CCDC102B: variants seen among roughly 807,000 people sequenced by gnomAD.
CCDC102B encodes the protein coiled-coil domain-containing protein 102B.
CCDC102B carries 75 observed loss-of-function variants against 57.4 expected under a neutral mutation model. The ratio of observed to expected loss-of-function variants is 1.31; its 90% CI spans 1.08 to 1.58. CCDC102B has a LOEUF of 1.58. CCDC102B is among the 40% of genes most tolerant of loss of function. The pLI, the probability that CCDC102B is intolerant of heterozygous loss-of-function variation, is 0.00. For synonymous variants in CCDC102B, 206 were observed against 201.9 expected (o/e 1.02, Z -0.17); for missense variants, 636 against 582.6 (o/e 1.09, Z -0.94).
chr18:68,991,185 A>G (rs1270701405), intron 6 of CCDC102B, among the ~76,000 whole-genome samples: 1 of 149,046 alleles, frequency 6.7e-6, no homozygotes, highest in East Asian at 2.0e-4. Flanking sequence ...GGTCTGTAAA[A>G]CTCAATATAC....
At position 68,900,466 on chromosome 18, in the gene CCDC102B, T is replaced by TA. The variant is rs1227620309; in HGVS notation, c.1263+3046dup. Reference sequence around the variant, plus strand: ...TAACTGATATGACGTAAAGTTTTTTTAAAAAAAAGTCTTCCATACACTCAG... The same window carrying TA: ...TAACTGATATGACGTAAAGTTTTTTTAAAAAAAAAGTCTTCCATACACTCAG... On this transcript the variant is annotated intron_variant, in intron 6 of 7. Transcript: ENST00000360242. Among the ~76,000 whole-genome samples the TA allele has an allele frequency of 5.9e-5, 9 of 151,840 alleles. No individual in the cohort carries two copies. In the East Asian group the frequency reaches 1.3e-3, roughly 23 times the overall value.
intron 2 of CCDC102B, among the ~76,000 whole-genome samples, chr18:68,728,810 A>T (rs998500994): frequency 3.9e-5 from 6 of 152,218 alleles, no homozygotes; most frequent in Admixed American, 2.0e-4. Context: ...CAATATTACC[A>T]CACCTATTAA....
chr18:68,899,916 TC>T lies in CCDC102B; in HGVS notation c.1263+2492del, dbSNP rs1456775814. Reference sequence around the variant, plus strand: ...TACGTAAGTAATCTCATCACATAAATCCCCATTGAGTAGTTGCTTTTATATA... The same window carrying T: ...TACGTAAGTAATCTCATCACATAAATCCCATTGAGTAGTTGCTTTTATATA... On this transcript the variant is annotated intron_variant, in intron 6 of 7. Transcript: ENST00000360242. 7 of 152,252 alleles carry T rather than the reference TC, an allele frequency of 4.6e-5. No homozygotes were observed. In the East Asian group the frequency reaches 1.2e-3, roughly 25 times the overall value. The allele number at this position is 152,252 out of a possible 1,614,324, so 9.4% of individuals were successfully genotyped here. A position where few individuals can be genotyped will look rare whatever the true frequency, so the allele number is the denominator to read the frequency against.
chr18:68,845,010 C>G (rs188216406), intron 3 of CCDC102B, among the ~76,000 whole-genome samples: 179 of 151,934 alleles, frequency 1.2e-3, no homozygotes, highest in African/African-American at 4.2e-3. Flanking sequence ...TGGTGCTTTG[C>G]ACCATTTTTT....
At chr18:68,735,050 A>G (rs1025465690) in intron 2 of CCDC102B, among the ~76,000 whole-genome samples, 3 of 152,064 alleles carry the variant, frequency 2.0e-5, no homozygotes, top group Admixed American at 6.6e-5. Flanking sequence ...GCAACATTTT[A>G]TTATTTATTT....
chr18:68,997,855 G>GT (rs908937255), intron 6 of CCDC102B, among the ~76,000 whole-genome samples: 92 of 94,452 alleles, frequency 9.7e-4, no homozygotes, highest in African/African-American at 2.8e-3. Context: ...AATAATATGT[G>GT]TTTTTTTTGG....
At chr18:69,024,983 T>C (rs1599864648) in intron 7 of CCDC102B, among the ~76,000 whole-genome samples, 1 of 152,084 alleles carries the variant, frequency 6.6e-6, no homozygotes, top group African/African-American at 2.4e-5. Context: ...CAAATAGTCA[T>C]GGAAAAGGTG....
At chr18:68,848,618 G>C (rs1044635903) in intron 4 of CCDC102B, among the ~76,000 whole-genome samples, 1 of 152,016 alleles carries the variant, frequency 6.6e-6, no homozygotes, top group Non-Finnish European at 1.5e-5. Context: ...ATGCATAGTA[G>C]AGGTAATTAT....
chr18:68,803,352 A>G (rs1042992954), intron 1 of CCDC102B, among the ~76,000 whole-genome samples: 1 of 152,212 alleles, frequency 6.6e-6, no homozygotes, highest in African/African-American at 2.4e-5. Context: ...AAGCAGTAGA[A>G]TCCATACATA....
intron 6 of CCDC102B, among the ~76,000 whole-genome samples, chr18:68,941,908 T>C (rs987349895): frequency 6.6e-6 from 1 of 152,130 alleles, no homozygotes; most frequent in African/African-American, 2.4e-5. Context: ...TGGCATCAAA[T>C]AGTTTGGTTT....
intron 3 of CCDC102B, among the ~76,000 whole-genome samples, chr18:68,840,613 C>G (rs2144798469): frequency 6.6e-6 from 1 of 152,280 alleles, no homozygotes; most frequent in East Asian, 1.9e-4. Context: ...ACAATTTTAT[C>G]TAGCCCTATA....
chr18:69,028,314 G>A (rs1030549761), intron 7 of CCDC102B, among the ~76,000 whole-genome samples: 1 of 152,168 alleles, frequency 6.6e-6, no homozygotes, highest in Non-Finnish European at 1.5e-5. Flanking sequence ...TGAAAGGTTG[G>A]TAAGTTTCAA....
intron 2 of CCDC102B, among the ~76,000 whole-genome samples, chr18:68,723,135 G>A (rs2032431800): frequency 6.6e-6 from 1 of 152,072 alleles, no homozygotes; most frequent in African/African-American, 2.4e-5. Flanking sequence ...CCAGCAAGGT[G>A]GAAAGCCCCT....
chr18:68,761,796 G>A (rs2034262191), intron 2 of CCDC102B, among the ~76,000 whole-genome samples: 1 of 151,994 alleles, frequency 6.6e-6, no homozygotes, highest in Non-Finnish European at 1.5e-5. Context: ...GAGAAGTTTA[G>A]TTCATTTACG....
At chr18:68,803,334 A>G (rs1443019969) in intron 1 of CCDC102B, among the ~76,000 whole-genome samples, 2 of 152,220 alleles carry the variant, frequency 1.3e-5, no homozygotes, top group East Asian at 3.8e-4. Flanking sequence ...CATATAGTCT[A>G]GCTGGTAAAG....
intron 2 of CCDC102B, among the ~76,000 whole-genome samples, chr18:68,725,106 T>C (rs2032533666): frequency 6.6e-6 from 1 of 152,174 alleles, no homozygotes; most frequent in African/African-American, 2.4e-5. Flanking sequence ...TCAGATCTCA[T>C]GAGAACTCAC....
At chr18:68,819,712 A>G (rs541841349) in intron 1 of CCDC102B, among the ~76,000 whole-genome samples, 7 of 152,134 alleles carry the variant, frequency 4.6e-5, no homozygotes, top group African/African-American at 1.4e-4. Flanking sequence ...AAACAGACAT[A>G]ATATATTCCT....
At chr18:68,845,685 A>AAT in intron 3 of CCDC102B, among the ~76,000 whole-genome samples, 1 of 151,822 alleles carries the variant, frequency 6.6e-6, no homozygotes, top group South Asian at 2.1e-4. Context: ...AACAAACAAA[A>AAT]ATCCAGTGGT....
chr18:68,809,719 C>T (rs1041778816), intron 1 of CCDC102B, among the ~76,000 whole-genome samples: 10 of 152,126 alleles, frequency 6.6e-5, no homozygotes, highest in Admixed American at 3.9e-4. Flanking sequence ...TAGAATTTCA[C>T]GGCTGGAACA....
Sources: gnomAD v4.1 joint callset for allele counts (sites outside exome capture counted in the v4.1 genomes callset) on GRCh38, gnomAD v4.1.1 for gene constraint, MANE v1.5 for transcripts, NCBI Gene and HGNC (gene_info 2026-07-23, HGNC 2026-07-21) for gene names.